The following NAV2 variants were observed in gnomAD, a reference collection of about 807,000 sequenced individuals.
The protein encoded by NAV2 is neuron navigator 2.
NAV2 carries 54 observed loss-of-function variants against 223.2 expected under a neutral mutation model. The observed-to-expected ratio is 0.24, with a 90% CI of 0.19 to 0.30. The LOEUF (loss-of-function observed/expected upper bound fraction) is 0.30. NAV2 is among the 10% of genes least tolerant of loss of function. The pLI, the probability that NAV2 is intolerant of heterozygous loss-of-function variation, is 1.00. For synonymous variants in NAV2, 1,279 were observed against 1,239.3 expected (o/e 1.03, Z -0.67); for missense variants, 2,806 against 3,147.5 (o/e 0.89, Z 2.60).
intron 1 of NAV2, among the ~76,000 whole-genome samples, chr11:19,683,850 T>G (rs4456242): frequency 0.88 from 133,277 of 152,282 alleles, 58,755 homozygotes; most frequent in Middle Eastern, 0.96. Context: ...TATTAAATTG[T>G]ATCTTCAACA....
rs943405086 is a variant in NAV2 at position 19,895,308 on chromosome 11, C to T, written c.931+2714C>T. 8.6e-5 allele frequency among the ~76,000 whole-genome samples: 13 copies of T among 151,862 alleles called. 1 individual carries two copies. The highest frequency in any genetic ancestry group is 3.1e-4 in the African/African-American group (13 of 41,352). On this transcript the variant is annotated intron_variant, in intron 6 of 37. Transcript: ENST00000349880. Reference sequence around the variant, plus strand: ...TCTCTAACTCCACTACAGATCACTACAAAAGTGATCTGCCCGCCTCGGCCT... The same window carrying T: ...TCTCTAACTCCACTACAGATCACTATAAAAGTGATCTGCCCGCCTCGGCCT...
chr11:19,527,004 T>G (rs1223634854), intron 1 of NAV2, among the ~76,000 whole-genome samples: 1 of 152,148 alleles, frequency 6.6e-6, no homozygotes, highest in African/African-American at 2.4e-5. Context: ...AGTTGGTTTA[T>G]TTCTCCATGC....
chr11:19,818,167 T>G (rs909909864), intron 1 of NAV2, among the ~76,000 whole-genome samples: 13 of 149,808 alleles, frequency 8.7e-5, no homozygotes, highest in Non-Finnish European at 1.8e-4. Flanking sequence ...GGGGGAGGGG[T>G]AGGGGTAAGG....
At chr11:19,552,208 CT>C (rs1230605336) in intron 1 of NAV2, among the ~76,000 whole-genome samples, 1 of 152,194 alleles carries the variant, frequency 6.6e-6, no homozygotes. Context: ...TGCCTTTTGG[CT>C]TTCATTTGCC....
intron 32 of NAV2, 136 bp from the exon 33 acceptor site, chr11:20,103,119 G>A: frequency 1.3e-6 from 1 of 779,296 alleles, no homozygotes; most frequent in South Asian, 2.0e-5. Context: ...CAGGCACCCA[G>A]AATGTGTTTA....
intron 1 of NAV2, 87 bp downstream of exon 1, chr11:19,714,049 G>A (rs899792219): frequency 8.0e-6 from 12 of 1,506,868 alleles, no homozygotes; most frequent in Non-Finnish European, 9.9e-6. Flanking sequence ...GGCTGGATGG[G>A]AGAAGGGTCT....
At chr11:19,813,490 G>A (rs2058943755) in intron 1 of NAV2, among the ~76,000 whole-genome samples, 1 of 152,182 alleles carries the variant, frequency 6.6e-6, no homozygotes, top group Admixed American at 6.5e-5. Context: ...AGCACCGAGA[G>A]TTGGATTATT....
intron 1 of NAV2, among the ~76,000 whole-genome samples, chr11:19,393,406 A>C (rs7481399): frequency 0.67 from 101,761 of 152,090 alleles, 36,371 homozygotes; most frequent in Admixed American, 0.81. Context: ...CTGTTAAGTA[A>C]ATTGGTCTGA....
At chr11:19,636,446 G>A (rs1403910140) in intron 1 of NAV2, among the ~76,000 whole-genome samples, 2 of 151,780 alleles carry the variant, frequency 1.3e-5, no homozygotes, top group South Asian at 2.1e-4. Context: ...ATTCAAGTCT[G>A]TGCATGCAAT....
rs761498297 is a variant in NAV2, at chr11:19,933,420, G to C, written c.1176G>C (p.Lys392Asn). ...EAPRPTPEAM[K>N]PAPNNQKSML... ...CCAGGCCCACACCTGAAGCCATGAA[G>C]CCGGCCCCCAACAATCAGAAGTCCA... Residue 392 changes from lysine (K) to asparagine (N), a missense_variant, in exon 7 of 38, where the codon AAG becomes AAC. By Grantham distance (94) the Lys-to-Asn change is moderately conservative (BLOSUM62 0). This residue lies in a region of NAV2 where 1,167 missense variants were observed against 1,180.5 expected (regional missense o/e 0.99). Transcript: ENST00000349880. The surrounding 1 kb of genome is among the most constrained non-coding windows in gnomAD (Gnocchi z 4.3). 6.3e-7 allele frequency: 1 copy of C among 1,583,406 alleles called. No individual in the cohort carries two copies. The highest frequency in any genetic ancestry group is 8.6e-7 in the Non-Finnish European group (1 of 1,165,292).
intron 1 of NAV2, among the ~76,000 whole-genome samples, chr11:19,473,184 G>C (rs2729882): frequency 0.79 from 120,414 of 152,068 alleles, 47,988 homozygotes; most frequent in Non-Finnish European, 0.85. Flanking sequence ...TTAGTCAGGT[G>C]TACTTGGGTC....
intron 1 of NAV2, among the ~76,000 whole-genome samples, chr11:19,682,260 C>T (rs544127635): frequency 6.6e-6 from 1 of 152,326 alleles, no homozygotes; most frequent in Non-Finnish European, 1.5e-5. Context: ...ATAATAATTG[C>T]TTCCACATGC....
intron 1 of NAV2, among the ~76,000 whole-genome samples, chr11:19,363,505 CA>C (rs1268268680): frequency 2.0e-5 from 3 of 152,192 alleles, no homozygotes; most frequent in African/African-American, 7.2e-5. Flanking sequence ...AACTGAAATT[CA>C]AACCCAAGTA....
intron 3 of NAV2, among the ~76,000 whole-genome samples, chr11:19,863,169 A>T (rs2061888666): frequency 6.6e-6 from 1 of 152,156 alleles, no homozygotes; most frequent in South Asian, 2.1e-4. Context: ...TTCCATGGTA[A>T]TGGGGCAGGT....
chr11:20,035,898 A>T, intron 11 of NAV2, 61 bp from the exon 12 acceptor site: 1 of 1,603,540 alleles, frequency 6.2e-7, no homozygotes, highest in East Asian at 2.2e-5. Flanking sequence ...TGTCTGTGTC[A>T]TCAGCCTGAG....
intron 3 of NAV2, among the ~76,000 whole-genome samples, chr11:19,858,402 AT>A (rs1282995409): frequency 6.6e-6 from 1 of 152,132 alleles, no homozygotes; most frequent in Non-Finnish European, 1.5e-5. Context: ...CTCCTTTATT[AT>A]GGCTGAATAA....
In NAV2 at chr11:20,082,130, T is replaced by C. The variant is rs573717743; in HGVS notation, c.5326-877T>C. On this transcript the variant is annotated intron_variant, in intron 25 of 37. Coordinates refer to ENST00000349880, the MANE Select transcript of NAV2 (RefSeq NM_145117.5). ...TGCTGCTTATTAGATTATCTTCTTA[T>C]ATACACAAATAGCTGAAACTCCTAA... Among the ~76,000 whole-genome samples the C allele has an allele frequency of 2.0e-5, 3 of 152,310 alleles. No individual in the cohort carries two copies. In the East Asian group the frequency reaches 5.8e-4, roughly 29 times the overall value.
chr11:20,085,917 G>A (rs774054810), intron 26 of NAV2, among the ~76,000 whole-genome samples: 1 of 152,210 alleles, frequency 6.6e-6, no homozygotes, highest in Non-Finnish European at 1.5e-5. Context: ...AAGTGAAGGA[G>A]GAAATGGGCT....
At chr11:19,739,803 G>T (rs896831165) in intron 1 of NAV2, among the ~76,000 whole-genome samples, 1 of 152,148 alleles carries the variant, frequency 6.6e-6, no homozygotes, top group Admixed American at 6.5e-5. Context: ...GCTTTATTTT[G>T]CCCTCTGAAG....
Sources: gnomAD v4.1 joint callset for allele counts (sites outside exome capture counted in the v4.1 genomes callset) on GRCh38, gnomAD v4.1.1 for gene constraint, gnomAD v4.1.1 regional missense constraint, Gnocchi (gnomAD v3.1) non-coding constraint, MANE v1.5 for transcripts, NCBI Gene and HGNC (gene_info 2026-07-23, HGNC 2026-07-21) for gene names.